PCBP3: variants seen among roughly 807,000 people sequenced by gnomAD.
PCBP3 encodes the protein poly(rC)-binding protein 3.
In PCBP3, 25 loss-of-function variants were observed where a neutral mutation model predicts 52.7. The observed-to-expected ratio is 0.47, with a 90% confidence interval of 0.35 to 0.66. The LOEUF is 0.66. PCBP3 is among the 30% of genes least tolerant of loss of function. The probability of loss-of-function intolerance (pLI) is 0.01; values close to 1 mark genes in which losing one functional copy is unlikely to be tolerated. For missense variants in PCBP3, 391 were observed against 490.3 expected (o/e 0.80, Z 1.91); for synonymous variants, 162 against 183.0 (o/e 0.89, Z 0.93).
At chr21:45,755,884 A>G (rs554073650) in intron 4 of PCBP3, among the ~76,000 whole-genome samples, 1 of 152,090 alleles carries the variant, frequency 6.6e-6, no homozygotes, top group South Asian at 2.1e-4. Context: ...TATGCCTTGA[A>G]TTTTTATTTT....
intron 2 of PCBP3, among the ~76,000 whole-genome samples, chr21:45,695,447 C>T (rs1247901045): frequency 2.0e-5 from 3 of 152,194 alleles, no homozygotes; most frequent in African/African-American, 4.8e-5. Flanking sequence ...TCAGCACTGG[C>T]TCCAGCCTCA....
At chr21:45,807,079 A>G (rs1023128922) in intron 4 of PCBP3, among the ~76,000 whole-genome samples, 1 of 152,218 alleles carries the variant, frequency 6.6e-6, no homozygotes, top group Non-Finnish European at 1.5e-5. Flanking sequence ...CACAGCCAAT[A>G]TCACACGAAT....
chr21:45,910,187 C>CG lies in PCBP3; in HGVS notation c.471+701_471+702insG, dbSNP rs1556311839. On this transcript the variant is annotated intron_variant, in intron 10 of 17. Coordinates refer to ENST00000681687, the MANE Select transcript of PCBP3 (RefSeq NM_001384156.1). ...ACCCACTGCCCAGATACGGACCCCCCCCACCCACTGCCCAGATACGGACCC... is the reference window on the plus strand; with the variant it reads ...ACCCACTGCCCAGATACGGACCCCCCGCCACCCACTGCCCAGATACGGACCC... Among the ~76,000 whole-genome samples the CG allele has an allele frequency of 1.4e-4, 8 of 58,126 alleles. 2 individuals carry two copies. The highest frequency in any genetic ancestry group is 5.6e-4 in the African/African-American group (7 of 12,486). 38.1% of individuals were successfully genotyped at this position (58,126 alleles called of 152,430 possible).
chr21:45,690,693 T>C (rs2082409755), intron 2 of PCBP3, among the ~76,000 whole-genome samples: 1 of 152,086 alleles, frequency 6.6e-6, no homozygotes, highest in Admixed American at 6.6e-5. Context: ...TACAAATGGC[T>C]AATAAGCATA....
intron 6 of PCBP3, among the ~76,000 whole-genome samples, chr21:45,898,988 C>T (rs2095944343): frequency 7.7e-6 from 1 of 130,672 alleles, no homozygotes; most frequent in Non-Finnish European, 1.6e-5. Context: ...TCACCGACGT[C>T]ACCATTGCTG....
chr21:45,914,165 C>A (rs986315702), intron 12 of PCBP3, 140 bp downstream of exon 12: 2 of 1,426,988 alleles, frequency 1.4e-6, no homozygotes, highest in African/African-American at 1.4e-5. Context: ...AGAGCTCTTC[C>A]ACCTACACCC....
intron 4 of PCBP3, among the ~76,000 whole-genome samples, chr21:45,792,559 C>A (rs1027294072): frequency 6.6e-6 from 1 of 152,218 alleles, no homozygotes; most frequent in African/African-American, 2.4e-5. Context: ...GAACCAGAAT[C>A]TCCAGAAAAG....
intron 4 of PCBP3, among the ~76,000 whole-genome samples, chr21:45,814,617 GTGAGTGA>G (rs1419276378): frequency 5.2e-5 from 7 of 134,084 alleles, no homozygotes; most frequent in South Asian, 5.6e-4. Context: ...GTGGTGAGTG[GTGAGTGA>G]TGAGTGGTGA....
At chr21:45,811,342 C>G (rs1312869523) in intron 4 of PCBP3, among the ~76,000 whole-genome samples, 1 of 152,248 alleles carries the variant, frequency 6.6e-6, no homozygotes, top group African/African-American at 2.4e-5. Flanking sequence ...ACCTCCTTGC[C>G]TCTTCCAGAT....
chr21:45,810,880 A>G (rs1001825509), intron 4 of PCBP3, among the ~76,000 whole-genome samples: 2 of 152,162 alleles, frequency 1.3e-5, no homozygotes, highest in African/African-American at 2.4e-5. Context: ...GTTTGTATCA[A>G]TTTTGGAAGC....
intron 2 of PCBP3, among the ~76,000 whole-genome samples, chr21:45,672,653 G>A (rs1569101516): frequency 6.6e-6 from 1 of 152,070 alleles, no homozygotes; most frequent in Non-Finnish European, 1.5e-5. Context: ...GGTATCTTGA[G>A]GCTTAACATA....
At position 45,837,260 on chromosome 21, in the gene PCBP3, A is replaced by G. The variant is rs1000351395; in HGVS notation, c.-125-12701A>G. Among the ~76,000 whole-genome samples, 3 of 152,214 alleles carry G rather than the reference A, an allele frequency of 2.0e-5. 1 individual carries two copies. On this transcript the variant is annotated intron_variant, in intron 4 of 17. Coordinates refer to ENST00000681687, the MANE Select transcript of PCBP3 (RefSeq NM_001384156.1). The surrounding 1 kb of genome is among the most constrained non-coding windows in gnomAD (Gnocchi z 4.1). ...CTGTGGTCTGTATCTCCCGTTCCAC[A>G]TGCTCTTGTGCTGTGACTTTGATGC...
chr21:45,899,211 T>G (rs532786253), intron 6 of PCBP3, among the ~76,000 whole-genome samples: 11 of 152,298 alleles, frequency 7.2e-5, no homozygotes, highest in African/African-American at 2.6e-4. Context: ...TAAGTTTTCT[T>G]TAAGTCACAC....
At chr21:45,671,808 A>C (rs1449496045) in intron 2 of PCBP3, among the ~76,000 whole-genome samples, 1 of 152,188 alleles carries the variant, frequency 6.6e-6, no homozygotes, top group African/African-American at 2.4e-5. Context: ...CACTTATGTC[A>C]GTGGGGAGAG....
chr21:45,786,906 T>A (rs1054268459), intron 4 of PCBP3, among the ~76,000 whole-genome samples: 22 of 152,332 alleles, frequency 1.4e-4, no homozygotes, highest in Non-Finnish European at 3.2e-4. Context: ...ACCTGTCTCC[T>A]GCCTCCTTCC....
intron 5 of PCBP3, among the ~76,000 whole-genome samples, chr21:45,881,775 A>G (rs1367694280): frequency 6.6e-6 from 1 of 150,528 alleles, no homozygotes; most frequent in African/African-American, 2.5e-5. Context: ...TGTGAGATGC[A>G]CTTTTTTAGA....
chr21:45,731,879 T>TTC (rs397795396), intron 2 of PCBP3, among the ~76,000 whole-genome samples: 2 of 152,068 alleles, frequency 1.3e-5, no homozygotes, highest in Non-Finnish European at 2.9e-5. Flanking sequence ...CTTTTTTTTT[T>TTC]CTTTTGCTTT....
chr21:45,931,725 C>T (rs574289648), intron 15 of PCBP3, among the ~76,000 whole-genome samples: 4 of 148,150 alleles, frequency 2.7e-5, no homozygotes, highest in South Asian at 2.2e-4. Context: ...ACAAACACGT[C>T]GGCCGTGCCG....
rs115621235 is a variant in PCBP3 at position 45,783,162 on chromosome 21, C to A, written c.-126+27710C>A. 3.4e-3 allele frequency among the ~76,000 whole-genome samples: 519 copies of A among 152,314 alleles called. 3 individuals are homozygous for A. The highest frequency in any genetic ancestry group is 0.012 in the African/African-American group (487 of 41,570). On this transcript the variant is annotated intron_variant, in intron 4 of 17. Coordinates refer to ENST00000681687, the MANE Select transcript of PCBP3 (RefSeq NM_001384156.1). Reference sequence around the variant, plus strand: ...AAATAAACTATATGGAGTAATATTGCAGAAATATGGTTTTGGTTTTAATTT... The same window carrying A: ...AAATAAACTATATGGAGTAATATTGAAGAAATATGGTTTTGGTTTTAATTT...
Sources: allele counts gnomAD v4.1 joint callset (sites outside exome capture counted in the v4.1 genomes callset), GRCh38; gene constraint gnomAD v4.1.1; non-coding constraint Gnocchi (gnomAD v3.1); transcripts MANE v1.5; gene names NCBI Gene and HGNC (gene_info 2026-07-23, HGNC 2026-07-21).